Variants in REV3L observed in about 807,000 individuals in gnomAD.
REV3L encodes the protein DNA polymerase zeta catalytic subunit.
In REV3L, 69 loss-of-function variants were observed where a neutral mutation model predicts 299.4. The observed-to-expected ratio is 0.23, with a 90% CI of 0.19 to 0.28. The LOEUF (loss-of-function observed/expected upper bound fraction) is 0.28. Among genes scored for constraint, REV3L ranks in the 10% least tolerant of loss-of-function variants. REV3L has a pLI of 1.00. For synonymous variants in REV3L, 1,238 were observed against 1,271.4 expected, an observed-to-expected ratio of 0.97 and a Z score of 0.56; for missense variants, 3,128 against 3,693.8, an observed-to-expected ratio of 0.85 and a Z score of 3.97.
At chr6:111,362,698 G>A (rs1778815853) in intron 16 of REV3L, among the ~76,000 whole-genome samples, 1 of 152,068 alleles carries the variant, frequency 6.6e-6, no homozygotes, top group South Asian at 2.1e-4. Context: ...AAATGAGTAT[G>A]TACTTTATCC....
chr6:111,312,230 A>G (rs73532776), intron 28 of REV3L: 181 of 152,334 alleles, frequency 1.2e-3, no homozygotes, highest in African/African-American at 4.3e-3. Flanking sequence ...GAAAGAAGGT[A>G]CTGGATTATA....
intron 20 of REV3L, among the ~76,000 whole-genome samples, chr6:111,346,947 C>T (rs1777090501): frequency 6.6e-6 from 1 of 152,094 alleles, no homozygotes; most frequent in Non-Finnish European, 1.5e-5. Context: ...AGTATGTGCT[C>T]ATCTCAGGCA....
At chr6:111,368,631 A>T (rs1189457969) in intron 13 of REV3L, among the ~76,000 whole-genome samples, 1 of 152,196 alleles carries the variant, frequency 6.6e-6, no homozygotes, top group East Asian at 1.9e-4. Flanking sequence ...AGCCCACAGG[A>T]TGCATGGCTT....
intron 1 of REV3L, among the ~76,000 whole-genome samples, chr6:111,423,376 G>A (rs1562289496): frequency 6.6e-6 from 1 of 152,124 alleles, no homozygotes; most frequent in South Asian, 2.1e-4. Flanking sequence ...AAGCAAATGA[G>A]GAAGAATGTT....
intron 3 of REV3L, among the ~76,000 whole-genome samples, chr6:111,407,813 G>C (rs1037964166): frequency 2.0e-5 from 3 of 152,128 alleles, no homozygotes; most frequent in African/African-American, 7.2e-5. Context: ...GGTGGTGCCT[G>C]TAATCCTAAC....
At chr6:111,388,760 G>C (rs912593394) in intron 7 of REV3L, among the ~76,000 whole-genome samples, 3 of 152,162 alleles carry the variant, frequency 2.0e-5, no homozygotes, top group Admixed American at 6.6e-5. Flanking sequence ...GTGTTTCTAA[G>C]TTGAGATTCA....
At chr6:111,361,729 GAAGA>G (rs1327409377) in intron 16 of REV3L, 1 of 152,160 alleles carries the variant, frequency 6.6e-6, no homozygotes, top group African/African-American at 2.4e-5. Context: ...CTGATGTGCA[GAAGA>G]AAGAGAGATT....
At chr6:111,461,721 G>A (rs1337135514) in intron 1 of REV3L, among the ~76,000 whole-genome samples, 5 of 151,890 alleles carry the variant, frequency 3.3e-5, no homozygotes, top group Non-Finnish European at 4.4e-5. Flanking sequence ...AGAAAACTGT[G>A]ATTAATTACA....
chr6:111,323,149 C>T (rs189125133), intron 25 of REV3L, among the ~76,000 whole-genome samples: 9 of 152,268 alleles, frequency 5.9e-5, no homozygotes, highest in Admixed American at 4.6e-4. Flanking sequence ...CCACCACACC[C>T]AGAGAATTTT....
At chr6:111,460,278 G>A (rs1403685169) in intron 1 of REV3L, 2 of 152,078 alleles carry the variant, frequency 1.3e-5, no homozygotes, top group Non-Finnish European at 1.5e-5. Context: ...ATGGGAGAGG[G>A]AGGCAAGGAT....
chr6:111,315,971 G>A (rs891119814), intron 26 of REV3L, among the ~76,000 whole-genome samples: 2 of 152,070 alleles, frequency 1.3e-5, no homozygotes, highest in African/African-American at 4.8e-5. Flanking sequence ...CAGGCACAGT[G>A]GCTCACGCCT....
chr6:111,405,588 A>G lies in REV3L; in HGVS notation c.447T>C (p.Phe149=), dbSNP rs1359319019. 9 of 1,607,518 alleles carry G rather than the reference A, an allele frequency of 5.6e-6. No homozygotes were observed. The highest frequency in any genetic ancestry group is 7.6e-6 in the Non-Finnish European group (9 of 1,177,586). Reference sequence around the variant, plus strand: ...GAATATGCGCTTCATGAGGCTGGTAAAATTTATTCATTATGGCTCCGCTTT... The same window carrying G: ...GAATATGCGCTTCATGAGGCTGGTAGAATTTATTCATTATGGCTCCGCTTT... ...LLQSGAIMNK[F]YQPHEAHIPY... Residue 149 remains phenylalanine (F), a synonymous_variant, in exon 4 of 32, where the codon TTT becomes TTC. Transcript: ENST00000368802.
chr6:111,392,961 G>T lies in REV3L; in HGVS notation c.577C>A (p.His193Asn). The change falls in exon 5 of 32, where the codon CAT (histidine) becomes AAT (asparagine). Residue 193 changes from histidine to asparagine, a missense_variant. Physicochemically the swap from His to Asn is moderately conservative, Grantham distance 68 (BLOSUM62 1). Coordinates refer to ENST00000368802, the MANE Select transcript of REV3L (RefSeq NM_001372078.1). ...RKARRKSNTL[H>N]ATGSCKNHLS... ...TGATTCTTGCAGGATCCAGTTGCAT[G>T]CAATGTATTACCTAGGAATAGAAAG... The T allele has an allele frequency of 1.3e-6, 2 of 1,599,168 alleles. No individual in the cohort carries two copies. Among genetic ancestry groups the T allele is most frequent in the Non-Finnish European group, 1.7e-6 (2 of 1,166,814 alleles).
Position 111,471,929 on chromosome 6 carries a change from G to A in REV3L, c.139+10821C>T, listed in dbSNP as rs552670894. On this transcript the variant is annotated intron_variant, in intron 1 of 31. Transcript: ENST00000368802. ...TTGATATTTAAGTTGTTAGTTAAGG[G>A]TGAGTAGGATTTACCAACTTCAATG... The A allele has an allele frequency of 1.3e-4, 91 of 711,374 alleles. No homozygotes were observed. The South Asian group carries it at 2.0e-3, about 16-fold the overall frequency. 44.1% of individuals were successfully genotyped at this position (711,374 alleles called of 1,614,324 possible).
intron 21 of REV3L, among the ~76,000 whole-genome samples, chr6:111,342,263 C>T (rs1194110215): frequency 6.6e-6 from 1 of 152,030 alleles, no homozygotes; most frequent in Non-Finnish European, 1.5e-5. Flanking sequence ...TGCTATCTGC[C>T]CCAGGGGGAG....
upstream of REV3L, chr6:111,483,707 A>T (rs1221434368): frequency 2.9e-6 from 1 of 342,446 alleles, no homozygotes; most frequent in Non-Finnish European, 6.0e-6. Flanking sequence ...CGAGGCGCAG[A>T]TCTCGTGCCG....
chr6:111,472,095 G>A, intron 1 of REV3L: 1 of 1,262,728 alleles, frequency 7.9e-7, no homozygotes, highest in Non-Finnish European at 1.0e-6. Context: ...TATGATGACA[G>A]TTTAATTTTT....
intron 31 of REV3L, among the ~76,000 whole-genome samples, chr6:111,304,512 T>C (rs1455296077): frequency 6.6e-6 from 1 of 152,140 alleles, no homozygotes; most frequent in African/African-American, 2.4e-5. Context: ...CAAATTAGTG[T>C]ATGGGAGACA....
chr6:111,464,157 G>A (rs1245903254), intron 1 of REV3L, among the ~76,000 whole-genome samples: 3 of 151,926 alleles, frequency 2.0e-5, no homozygotes, highest in Non-Finnish European at 4.4e-5. Flanking sequence ...AAATATGTTA[G>A]TTCCCATATA....
Sources: allele counts gnomAD v4.1 joint callset (sites outside exome capture counted in the v4.1 genomes callset), GRCh38; gene constraint gnomAD v4.1.1; transcripts MANE v1.5; gene names NCBI Gene and HGNC (gene_info 2026-07-23, HGNC 2026-07-21).